NECTIN1: variants seen among roughly 807,000 people sequenced by gnomAD.
NECTIN1 encodes the protein nectin-1.
A neutral mutation model predicts 48.0 loss-of-function variants in NECTIN1; 23 were observed. That is an observed-to-expected ratio of 0.48 (90% CI 0.34 to 0.68). The LOEUF is 0.68. Among genes scored for constraint, NECTIN1 ranks in the 30% least tolerant of loss-of-function variants. NECTIN1 has a pLI of 0.01. For synonymous variants in NECTIN1, 270 were observed against 288.9 expected (o/e 0.93, Z 0.66); for missense variants, 591 against 709.9 (o/e 0.83, Z 1.90).
intron 5 of NECTIN1, among the ~76,000 whole-genome samples, chr11:119,653,742 C>T (rs779479645): frequency 3.3e-5 from 5 of 152,182 alleles, no homozygotes; most frequent in South Asian, 2.1e-4. Context: ...CGCAGCTGAG[C>T]GCTCAGTCTG....
chr11:119,675,184 T>C lies in NECTIN1; in HGVS notation c.978A>G (p.Ser326=), dbSNP rs1348450746. Residue 326 remains serine (S), a synonymous_variant, in exon 5 of 6, where the codon TCA becomes TCG. Transcript: ENST00000264025. ...CEATNPIGTR[S]GQVEVNITEF... is the part of the protein sequence containing the mutation. ...CTGTGATATTGACCTCCACCTGGCC[T>C]GAGCGTGTACCGATGGGGTTGGTGG... 6.2e-7 allele frequency: 1 copy of C among 1,614,090 alleles called. No individual in the cohort carries two copies. The highest frequency in any genetic ancestry group is 1.3e-5 in the African/African-American group (1 of 74,940).
chr11:119,689,363 G>A (rs954902492), intron 1 of NECTIN1, among the ~76,000 whole-genome samples: 1 of 152,160 alleles, frequency 6.6e-6, no homozygotes, highest in Non-Finnish European at 1.5e-5. Context: ...GTGGCATTCA[G>A]ACCCTACAGC....
Position 119,688,194 on chromosome 11 carries a change from T to G in NECTIN1, c.80-9429A>C, listed in dbSNP as rs566171341. 2.0e-5 allele frequency among the ~76,000 whole-genome samples: 3 copies of G among 152,330 alleles called. No individual in the cohort carries two copies. The East Asian group carries it at 5.8e-4, about 29-fold the overall frequency. On this transcript the variant is annotated intron_variant, in intron 1 of 5. Coordinates refer to ENST00000264025, the MANE Select transcript of NECTIN1 (RefSeq NM_002855.5). ...TGGGGCCAGTAATAGTACTATCTCC[T>G]AGGGCTGATTTGAGGATCCAATGAA...
intron 1 of NECTIN1, among the ~76,000 whole-genome samples, chr11:119,712,079 G>A (rs1382928373): frequency 2.6e-5 from 4 of 152,236 alleles, no homozygotes; most frequent in Non-Finnish European, 5.9e-5. Context: ...AGGGAGGGCT[G>A]TGTCTTGGGA....
chr11:119,654,603 G>A (rs989313686), intron 5 of NECTIN1, among the ~76,000 whole-genome samples: 1 of 149,764 alleles, frequency 6.7e-6, no homozygotes, highest in African/African-American at 2.5e-5. Context: ...ATGGAATCTC[G>A]CTCAGTCGCC....
At chr11:119,675,938 G>A (rs769365519) in intron 4 of NECTIN1, among the ~76,000 whole-genome samples, 3 of 151,766 alleles carry the variant, frequency 2.0e-5, no homozygotes, top group Non-Finnish European at 4.4e-5. Context: ...CCTGGGAGGC[G>A]GAGGTTGCAG....
At position 119,672,881 on chromosome 11, in the gene NECTIN1, G is replaced by A. The variant is rs1035644249; in HGVS notation, c.1003+2278C>T. ...GCCATGCCAAAGCGAGTCTGCGCAG[G>A]TGTGCAGTGGCCCAGCACACACGTG... On this transcript the variant is annotated intron_variant, in intron 5 of 5. Coordinates refer to ENST00000264025, the MANE Select transcript of NECTIN1 (RefSeq NM_002855.5). The surrounding 1 kb of genome is among the most constrained non-coding windows in gnomAD (Gnocchi z 4.3). Among the ~76,000 whole-genome samples the A allele has an allele frequency of 6.6e-6, 1 of 152,166 alleles. No homozygotes were observed. The highest frequency in any genetic ancestry group is 1.5e-5 in the Non-Finnish European group (1 of 68,036).
At chr11:119,685,298 A>G (rs1011790263) in intron 1 of NECTIN1, among the ~76,000 whole-genome samples, 15 of 152,048 alleles carry the variant, frequency 9.9e-5, no homozygotes, top group African/African-American at 3.6e-4. Flanking sequence ...AACTCCCCAC[A>G]TGGAGCTGTT....
Position 119,678,662 on chromosome 11 carries a change from C to T in NECTIN1, c.183G>A (p.Lys61=). ...ACTTCTGCCATGTGACCTGGGTGAT[C>T]TTCACGCTGGGAAGCGGGTTGGCAA... The part of the protein sequence containing the change: ...CSFANPLPSV[K]ITQVTWQKST... The change falls in exon 2 of 6, where the codon AAG becomes AAA. Residue 61 remains lysine (K), a synonymous_variant. Coordinates refer to ENST00000264025, the MANE Select transcript of NECTIN1 (RefSeq NM_002855.5). This position sits in a 1 kb window ranked among gnomAD's most constrained non-coding sequence, Gnocchi z 4.4. The T allele has an allele frequency of 6.2e-7, 1 of 1,614,106 alleles. No individual in the cohort carries two copies. The highest frequency in any genetic ancestry group is 2.2e-5 in the East Asian group (1 of 44,870).
chr11:119,682,952 A>C (rs1865085438), intron 1 of NECTIN1, among the ~76,000 whole-genome samples: 1 of 152,158 alleles, frequency 6.6e-6, no homozygotes, highest in Non-Finnish European at 1.5e-5. Context: ...ATAACATGTA[A>C]CACTGACCTG....
At position 119,647,222 on chromosome 11, in the gene NECTIN1, T is replaced by A. The variant is rs867546924; in HGVS notation, c.1004-7210A>T. Among the ~76,000 whole-genome samples, 138 of 108,116 alleles carry A rather than the reference T, an allele frequency of 1.3e-3. 1 individual carries two copies. Among genetic ancestry groups the A allele is most frequent in the Non-Finnish European group, 2.0e-3 (101 of 49,974 alleles). The allele number at this position is 108,116 out of a possible 152,430, so 70.9% of individuals were successfully genotyped here. Reference sequence around the variant, plus strand: ...GTGTGTGTGTGTGTGTGTGTGTGTGTGACTGTGACCCCCTTTGGAAAGGGT... The same window carrying A: ...GTGTGTGTGTGTGTGTGTGTGTGTGAGACTGTGACCCCCTTTGGAAAGGGT... On this transcript the variant is annotated intron_variant, in intron 5 of 7. Transcript: ENST00000341398.
chr11:119,692,480 C>T (rs984400817), intron 1 of NECTIN1, among the ~76,000 whole-genome samples: 1 of 152,268 alleles, frequency 6.6e-6, no homozygotes, highest in East Asian at 1.9e-4. Context: ...TGCCTCCTTT[C>T]GGCCACCCCA....
intron 1 of NECTIN1, among the ~76,000 whole-genome samples, chr11:119,682,854 T>C (rs559496359): frequency 7.2e-5 from 11 of 152,278 alleles, no homozygotes; most frequent in Admixed American, 3.9e-4. Flanking sequence ...CTGGACACTG[T>C]AGGGAGTGCT....
At chr11:119,641,194 C>G (rs1864318571) in intron 5 of NECTIN1, 1 of 152,284 alleles carries the variant, frequency 6.6e-6, no homozygotes, top group Non-Finnish European at 1.5e-5. Context: ...CCATCCACAG[C>G]TGGTGGCTGT....
chr11:119,644,803 A>AT (rs751526509), intron 5 of NECTIN1, among the ~76,000 whole-genome samples: 3 of 151,982 alleles, frequency 2.0e-5, no homozygotes, highest in Non-Finnish European at 2.9e-5. Flanking sequence ...AATTCCAAGT[A>AT]TTGGATATGG....
At position 119,709,542 on chromosome 11, in the gene NECTIN1, G is replaced by A. The variant is rs917957699; in HGVS notation, c.79+18933C>T. Among the ~76,000 whole-genome samples, 4 of 152,178 alleles carry A rather than the reference G, an allele frequency of 2.6e-5. No individual in the cohort carries two copies. The highest frequency in any genetic ancestry group is 5.9e-5 in the Non-Finnish European group (4 of 68,036). ...TCCAGGGGTGGAGGTTCAGGGGTTG[G>A]GGAAGGGAAGGGCTAGCTCCCTAGT... On this transcript the variant is annotated intron_variant, in intron 1 of 5. Coordinates refer to ENST00000264025, the MANE Select transcript of NECTIN1 (RefSeq NM_002855.5). This position sits in a 1 kb window ranked among gnomAD's most constrained non-coding sequence, Gnocchi z 4.1.
In NECTIN1 at chr11:119,684,734, C is replaced by T. The variant is rs1290125321; in HGVS notation, c.80-5969G>A. ...CCTTCTGAAGCCAAGGCCAGCTCCG[C>T]CTGGGAGAGAGGCCGGTGTGGAGGA... On this transcript the variant is annotated intron_variant, in intron 1 of 5. Coordinates refer to ENST00000264025, the MANE Select transcript of NECTIN1 (RefSeq NM_002855.5). This position sits in a 1 kb window ranked among gnomAD's most constrained non-coding sequence, Gnocchi z 5.2. Among the ~76,000 whole-genome samples, 1 of 152,212 alleles carries T rather than the reference C, an allele frequency of 6.6e-6. No individual in the cohort carries two copies. Among genetic ancestry groups the T allele is most frequent in the African/African-American group, 2.4e-5 (1 of 41,458 alleles).
chr11:119,670,300 T>G (rs1864844321), intron 5 of NECTIN1, among the ~76,000 whole-genome samples: 1 of 152,162 alleles, frequency 6.6e-6, no homozygotes, highest in African/African-American at 2.4e-5. Context: ...TTGTCTTTCC[T>G]CCTATGCGAA....
rs1865923448 is a variant in NECTIN1, at chr11:119,727,215, A to C, written c.79+1260T>G. Reference sequence around the variant, plus strand: ...TTCCAGGAGTGCACCCTAGCCCCGGAACTAGGCAGCCAGACTGTTCCCTCG... The same window carrying C: ...TTCCAGGAGTGCACCCTAGCCCCGGCACTAGGCAGCCAGACTGTTCCCTCG... On this transcript the variant is annotated intron_variant, in intron 1 of 5. Coordinates refer to ENST00000264025, the MANE Select transcript of NECTIN1 (RefSeq NM_002855.5). This position sits in a 1 kb window ranked among gnomAD's most constrained non-coding sequence, Gnocchi z 4.1. Among the ~76,000 whole-genome samples, 1 of 152,156 alleles carries C rather than the reference A, an allele frequency of 6.6e-6. No individual in the cohort carries two copies. The highest frequency in any genetic ancestry group is 6.5e-5 in the Admixed American group (1 of 15,286).
Sources: gnomAD v4.1 joint callset for allele counts (sites outside exome capture counted in the v4.1 genomes callset) on GRCh38, gnomAD v4.1.1 for gene constraint, Gnocchi (gnomAD v3.1) non-coding constraint, MANE v1.5 for transcripts, NCBI Gene and HGNC (gene_info 2026-07-23, HGNC 2026-07-21) for gene names.